Variants in GAN observed in about 807,000 individuals in gnomAD.
GAN encodes the protein epididymis secretory sperm binding protein.
A neutral mutation model predicts 71.3 loss-of-function variants in GAN; 48 were observed. That is an observed-to-expected ratio of 0.67 (90% CI 0.53 to 0.86). The LOEUF is 0.86. Ranked by LOEUF, GAN falls within the 40% of genes least tolerant of loss-of-function variation. The probability of loss-of-function intolerance (pLI) is 0.00; values close to 1 mark genes in which losing one functional copy is unlikely to be tolerated. For missense variants in GAN, 928 were observed against 770.1 expected, an observed-to-expected ratio of 1.21 and a Z score of -2.43; for synonymous variants, 386 against 276.8, an observed-to-expected ratio of 1.39 and a Z score of -3.92.
chr16:81,323,233 C>G (rs1204842938), intron 1 of GAN, among the ~76,000 whole-genome samples: 2 of 152,096 alleles, frequency 1.3e-5, no homozygotes, highest in Non-Finnish European at 2.9e-5. Context: ...TTTGTTTGTT[C>G]TCCTGCTTGG....
chr16:81,369,497 T>C (rs753967101), intron 9 of GAN, among the ~76,000 whole-genome samples: 1 of 152,252 alleles, frequency 6.6e-6, no homozygotes, highest in Non-Finnish European at 1.5e-5. Flanking sequence ...AATTTTAAAA[T>C]GTTTGTGTAG....
chr16:81,353,323 A>C (rs1417588212), intron 2 of GAN, among the ~76,000 whole-genome samples: 2 of 151,900 alleles, frequency 1.3e-5, no homozygotes, highest in Non-Finnish European at 2.9e-5. Context: ...TTGGAATGTA[A>C]GTTATAACAA....
chr16:81,331,833 A>T (rs1422412374), intron 1 of GAN, among the ~76,000 whole-genome samples: 2 of 152,232 alleles, frequency 1.3e-5, no homozygotes, highest in East Asian at 3.8e-4. Context: ...AGTATGTCAG[A>T]AGAACAAAGA....
In GAN at chr16:81,356,791, A is replaced by G. The variant is rs778132221; in HGVS notation, c.640A>G (p.Met214Val). The change falls in exon 4 of 11, where the codon ATG becomes GTG. Residue 214 changes from methionine (M) to valine (V), a missense_variant. Coordinates refer to ENST00000648994, the MANE Select transcript of GAN (RefSeq NM_022041.4). ...AHDTEIRKVHMKDVMSALWVS... is the reference protein window; with the variant it reads ...AHDTEIRKVHVKDVMSALWVS... ...TTTCTTCCCTCTTCTGCAGGTCCAC[A>G]TGAAGGATGTTATGTCAGCTCTGTG... 6 of 1,609,328 alleles carry G rather than the reference A, an allele frequency of 3.7e-6. No individual in the cohort carries two copies. The South Asian group carries it at 4.4e-5, about 12-fold the overall frequency.
chr16:81,356,935 A>G lies in GAN; in HGVS notation c.784A>G (p.Met262Val), dbSNP rs754417504. The stretch of plus-strand genomic sequence containing the variant: ...CAGCCAGCCGCAGCAAGGGGAGGCG[A>G]TGCTGGCCAACTTCAAACCCCGGGG... ...PLSQPQQGEA[M>V]LANFKPRGYS... Residue 262 changes from methionine (M) to valine (V), a missense_variant, in exon 4 of 11, where the codon ATG (methionine) becomes GTG (valine). Physicochemically the swap from Met to Val is conservative, Grantham distance 21. Coordinates refer to ENST00000648994, the MANE Select transcript of GAN (RefSeq NM_022041.4). The G allele has an allele frequency of 6.2e-7, 1 of 1,613,920 alleles. No homozygotes were observed. The highest frequency in any genetic ancestry group is 8.5e-7 in the Non-Finnish European group (1 of 1,179,906).
intron 1 of GAN, among the ~76,000 whole-genome samples, chr16:81,330,557 G>A (rs1212126458): frequency 6.6e-6 from 1 of 152,244 alleles, no homozygotes; most frequent in Non-Finnish European, 1.5e-5. Flanking sequence ...ATAAATGGAG[G>A]AGAGGAGACA....
At position 81,377,517 on chromosome 16, in the gene GAN, C is replaced by G. The variant is rs778978997; in HGVS notation, c.1715C>G (p.Ala572Gly). 2.7e-5 allele frequency: 44 copies of G among 1,614,020 alleles called. No homozygotes were observed. The East Asian group carries it at 3.1e-4, about 11-fold the overall frequency. ...GACCTTCGCCGTACAGGATGTGCAG[C>G]CTTACGCATTGCGAATTGCAAGCTT... ...PSDLRRTGCA[A>G]LRIANCKLFR... is the part of the protein sequence containing the mutation. The change falls in exon 11 of 11, where the codon GCC becomes GGC. Residue 572 changes from alanine (A) to glycine (G), a missense_variant. Coordinates refer to ENST00000648994, the MANE Select transcript of GAN (RefSeq NM_022041.4).
Position 81,315,001 on chromosome 16 carries a change from C to CA in GAN, c.-112dup. 4.3e-6 allele frequency: 4 copies of CA among 931,042 alleles called. No homozygotes were observed. Among genetic ancestry groups the CA allele is most frequent in the Non-Finnish European group, 5.8e-6 (4 of 684,064 alleles). The allele number at this position is 931,042 out of a possible 1,614,324, so 57.7% of individuals were successfully genotyped here. A position where few individuals can be genotyped will look rare whatever the true frequency, so the allele number is the denominator to read the frequency against. ...CGTCCCGGGGGCTCCAGCTTCTGCT[C>CA]AGAGCGCGGAGAGCCGGGCCGGGCG... On this transcript the variant is annotated 5_prime_UTR_variant, in exon 1 of 11. Transcript: ENST00000648994.
intron 1 of GAN, among the ~76,000 whole-genome samples, chr16:81,330,038 C>A (rs11641879): frequency 0.31 from 47,819 of 152,062 alleles, 8,565 homozygotes; most frequent in East Asian, 0.72. Context: ...TCACTCTCAG[C>A]ATCTAATTGA....
At chr16:81,357,297 C>T (rs1910522661) in intron 4 of GAN, among the ~76,000 whole-genome samples, 1 of 152,154 alleles carries the variant, frequency 6.6e-6, no homozygotes, top group South Asian at 2.1e-4. Flanking sequence ...TGATGTTCCC[C>T]TTCCTGTGTC....
At position 81,338,546 on chromosome 16, in the gene GAN, AGGCGAAAATGTTTT is replaced by A. The variant is rs1290343543; in HGVS notation, c.168-13034_168-13021del. ...ATTCTAGATAAAAAAGGGAAATCTA[AGGCGAAAATGTTTT>A]GGTAGGTATTAGAAAAATGAAAGTA... On this transcript the variant is annotated intron_variant, in intron 1 of 10. Coordinates refer to ENST00000648994, the MANE Select transcript of GAN (RefSeq NM_022041.4). Among the ~76,000 whole-genome samples, 8 of 152,366 alleles carry A rather than the reference AGGCGAAAATGTTTT, an allele frequency of 5.3e-5. No homozygotes were observed. The East Asian group carries it at 1.3e-3, about 26-fold the overall frequency.
At chr16:81,354,897 A>G (rs1014306003) in intron 3 of GAN, 142 bp downstream of exon 3, 1 of 632,486 alleles carries the variant, frequency 1.6e-6, no homozygotes, top group Non-Finnish European at 2.8e-6. Context: ...GTTCCCCTAT[A>G]TCATGAAAGC....
chr16:81,364,730 C>A (rs558385991), intron 7 of GAN, among the ~76,000 whole-genome samples: 7 of 152,268 alleles, frequency 4.6e-5, no homozygotes, highest in African/African-American at 1.7e-4. Flanking sequence ...GAACTTCTTT[C>A]AGTTAGTGAA....
chr16:81,340,849 T>C (rs1209856848), intron 1 of GAN, among the ~76,000 whole-genome samples: 3 of 151,914 alleles, frequency 2.0e-5, no homozygotes, highest in Non-Finnish European at 4.4e-5. Flanking sequence ...TTCTCCAAGC[T>C]AAAGGAGCAT....
intron 1 of GAN, among the ~76,000 whole-genome samples, chr16:81,325,133 T>G (rs1909342940): frequency 6.6e-6 from 1 of 152,230 alleles, no homozygotes. Flanking sequence ...ACACTTACAG[T>G]AGGCATTAAA....
At chr16:81,328,196 T>C (rs937021713) in intron 1 of GAN, among the ~76,000 whole-genome samples, 2 of 152,238 alleles carry the variant, frequency 1.3e-5, no homozygotes, top group East Asian at 1.9e-4. Flanking sequence ...GGAAATTACA[T>C]TGGAGCTTCA....
At chr16:81,323,623 C>T (rs1272347549) in intron 1 of GAN, among the ~76,000 whole-genome samples, 1 of 152,062 alleles carries the variant, frequency 6.6e-6, no homozygotes, top group Non-Finnish European at 1.5e-5. Context: ...AGTAAAGGGA[C>T]CTTCTATATA....
rs574567067 is a variant in GAN, at chr16:81,384,115, C to G, written c.*6519C>G. 6.6e-6 allele frequency: 1 copy of G among 152,016 alleles called. No individual in the cohort carries two copies. The highest frequency in any genetic ancestry group is 6.5e-5 in the Admixed American group (1 of 15,270). 9.4% of individuals were successfully genotyped at this position (152,016 alleles called of 1,614,324 possible). On this transcript the variant is annotated 3_prime_UTR_variant, in exon 11 of 11. Transcript: ENST00000648994. ...TGGATGAGAATTACATGCACTTATT[C>G]AGTTGTTCTTTGTGTTTATAGGAAA...
At chr16:81,345,739 TATA>T (rs1232757600) in intron 1 of GAN, among the ~76,000 whole-genome samples, 56 of 152,134 alleles carry the variant, frequency 3.7e-4, no homozygotes, top group Admixed American at 3.5e-3. Flanking sequence ...GAGCTTAAAG[TATA>T]ATAATAATTT....
Sources: gnomAD v4.1 joint callset for allele counts (sites outside exome capture counted in the v4.1 genomes callset) on GRCh38, gnomAD v4.1.1 for gene constraint, MANE v1.5 for transcripts, NCBI Gene and HGNC (gene_info 2026-07-23, HGNC 2026-07-21) for gene names.